NUBPL: variants seen among roughly 807,000 people sequenced by gnomAD.
The protein encoded by NUBPL is iron-sulfur cluster transfer protein NUBPL.
In NUBPL, 31 loss-of-function variants were observed where a neutral mutation model predicts 45.7. The ratio of observed to expected loss-of-function variants is 0.68; its 90% confidence interval spans 0.51 to 0.92. The LOEUF is 0.92. NUBPL is among the 40% of genes least tolerant of loss of function. NUBPL has a pLI of 0.00. For synonymous variants in NUBPL, 144 were observed against 140.9 expected (o/e 1.02, Z -0.15); for missense variants, 401 against 398.7 (o/e 1.01, Z -0.05).
chr14:31,716,846 TAAAATCC>T (rs2037699970), intron 6 of NUBPL, among the ~76,000 whole-genome samples: 1 of 152,156 alleles, frequency 6.6e-6, no homozygotes, highest in Admixed American at 6.6e-5. Context: ...CTGCTCAGGC[TAAAATCC>T]TGAGTGTCAC....
intron 6 of NUBPL, among the ~76,000 whole-genome samples, chr14:31,696,552 G>A (rs939846190): frequency 1.3e-5 from 2 of 151,568 alleles, no homozygotes; most frequent in Admixed American, 6.6e-5. Flanking sequence ...TAAAGTCTTT[G>A]TTTACTTTGG....
In NUBPL at chr14:31,859,428, T is replaced by G; in HGVS notation, c.*248T>G. ...ACCTGCAAAGAACTGCATTTTATTT[T>G]ATTGAATTACCCCTTTAGAAATCAC... On this transcript the variant is annotated 3_prime_UTR_variant, in exon 11 of 11. Transcript: ENST00000281081. The G allele has an allele frequency of 3.9e-6, 2 of 508,320 alleles. No homozygotes were observed. The highest frequency in any genetic ancestry group is 4.2e-5 in the South Asian group (2 of 47,688). The allele number at this position is 508,320 out of a possible 1,614,324, so 31.5% of individuals were successfully genotyped here. A position where few individuals can be genotyped will look rare whatever the true frequency, so the allele number is the denominator to read the frequency against.
At chr14:31,703,636 T>C (rs2037384526) in intron 6 of NUBPL, among the ~76,000 whole-genome samples, 1 of 152,210 alleles carries the variant, frequency 6.6e-6, no homozygotes, top group East Asian at 1.9e-4. Flanking sequence ...CTTGTGAGAC[T>C]TATTCACTGT....
chr14:31,703,705 C>G (rs111411683), intron 6 of NUBPL, among the ~76,000 whole-genome samples: 1,608 of 152,334 alleles, frequency 0.011, 22 homozygotes, highest in African/African-American at 0.037. Flanking sequence ...CACTGGGTCT[C>G]TCCCACAACA....
At chr14:31,768,940 T>C (rs2038960756) in intron 6 of NUBPL, among the ~76,000 whole-genome samples, 1 of 152,034 alleles carries the variant, frequency 6.6e-6, no homozygotes, top group Non-Finnish European at 1.5e-5. Flanking sequence ...GTAAAACTAA[T>C]ATAAGTAGAG....
At chr14:31,799,095 A>G (rs1232216743) in intron 7 of NUBPL, among the ~76,000 whole-genome samples, 2 of 152,168 alleles carry the variant, frequency 1.3e-5, no homozygotes, top group Non-Finnish European at 2.9e-5. Context: ...CTATGTTGAG[A>G]ATAAAATCAG....
intron 4 of NUBPL, among the ~76,000 whole-genome samples, chr14:31,646,931 A>G (rs1386274234): frequency 6.6e-6 from 1 of 151,828 alleles, no homozygotes; most frequent in African/African-American, 2.4e-5. Context: ...GTGTTTTCAA[A>G]TAGTCTTGTT....
intron 6 of NUBPL, among the ~76,000 whole-genome samples, chr14:31,785,402 G>C (rs2039266001): frequency 6.6e-6 from 1 of 152,198 alleles, no homozygotes; most frequent in Admixed American, 6.5e-5. Flanking sequence ...CCTCCTGTCA[G>C]ATCAGCAGTG....
At chr14:31,611,719 A>G (rs1321367028) in intron 4 of NUBPL, among the ~76,000 whole-genome samples, 5 of 152,174 alleles carry the variant, frequency 3.3e-5, no homozygotes, top group Admixed American at 1.3e-4. Flanking sequence ...GCATAAAAAC[A>G]GACACACAGA....
intron 7 of NUBPL, among the ~76,000 whole-genome samples, chr14:31,819,116 A>G (rs573462873): frequency 8.7e-4 from 132 of 152,296 alleles, no homozygotes; most frequent in African/African-American, 3.0e-3. Flanking sequence ...ACAGCAAATA[A>G]TATTTAAAAC....
intron 6 of NUBPL, among the ~76,000 whole-genome samples, chr14:31,760,892 G>T (rs2038793432): frequency 6.6e-6 from 1 of 152,048 alleles, no homozygotes; most frequent in African/African-American, 2.4e-5. Context: ...AGGCTGGAGT[G>T]CAGTGGTGTA....
chr14:31,700,441 G>T (rs1390048908), intron 6 of NUBPL, among the ~76,000 whole-genome samples: 1 of 152,134 alleles, frequency 6.6e-6, no homozygotes, highest in East Asian at 1.9e-4. Context: ...GCCTACTCTG[G>T]CCATGCTTGA....
At chr14:31,732,760 C>CAT (rs2038080522) in intron 6 of NUBPL, among the ~76,000 whole-genome samples, 1 of 151,844 alleles carries the variant, frequency 6.6e-6, no homozygotes, top group Non-Finnish European at 1.5e-5. Flanking sequence ...TACAGGTGTG[C>CAT]GCCACCATGC....
intron 2 of NUBPL, chr14:31,562,976 A>G (rs2033339701): frequency 6.5e-6 from 1 of 153,678 alleles, no homozygotes; most frequent in Non-Finnish European, 1.5e-5. Context: ...GTTTTGGAAA[A>G]GTTAAGATTT....
Position 31,673,335 on chromosome 14 carries a change from A to G in NUBPL, c.383-20A>G. The G allele has an allele frequency of 1.3e-6, 2 of 1,510,734 alleles. No homozygotes were observed. The highest frequency in any genetic ancestry group is 9.1e-7 in the Non-Finnish European group (1 of 1,104,910). 93.6% of individuals were successfully genotyped at this position (1,510,734 alleles called of 1,614,324 possible). On this transcript the variant is annotated intron_variant, in intron 4 of 10. Coordinates refer to ENST00000281081, the MANE Select transcript of NUBPL (RefSeq NM_025152.3). ...GTTGTGTTTTATTGTTCTAAAAGAG[A>G]GGATTTTTTTTTTTTCCAGGCAACC...
intron 4 of NUBPL, among the ~76,000 whole-genome samples, chr14:31,627,455 A>C (rs2035233897): frequency 6.6e-6 from 1 of 151,882 alleles, no homozygotes; most frequent in South Asian, 2.1e-4. Flanking sequence ...TGGTTCTAAG[A>C]CTTTTTGGTC....
chr14:31,594,251 C>G (rs559395784), intron 3 of NUBPL, among the ~76,000 whole-genome samples: 1 of 151,930 alleles, frequency 6.6e-6, no homozygotes, highest in Non-Finnish European at 1.5e-5. Context: ...AACCCTGTCC[C>G]TACAAAAAAC....
chr14:31,597,101 C>T (rs1387532574), intron 3 of NUBPL, among the ~76,000 whole-genome samples: 1 of 152,144 alleles, frequency 6.6e-6, no homozygotes, highest in African/African-American at 2.4e-5. Context: ...CTCTCTCTTT[C>T]CTCTCTTTCT....
At chr14:31,734,650 CT>C (rs1176757013) in intron 6 of NUBPL, among the ~76,000 whole-genome samples, 1 of 151,858 alleles carries the variant, frequency 6.6e-6, no homozygotes, top group Non-Finnish European at 1.5e-5. Context: ...TTATTTTGTG[CT>C]TTTTAGTTGA....
Sources: gnomAD v4.1 joint callset for allele counts (sites outside exome capture counted in the v4.1 genomes callset) on GRCh38, gnomAD v4.1.1 for gene constraint, MANE v1.5 for transcripts, NCBI Gene and HGNC (gene_info 2026-07-23, HGNC 2026-07-21) for gene names.